Variants in KIAA1217 observed in about 807,000 individuals in gnomAD.
The protein encoded by KIAA1217 is sickle tail protein homolog.
KIAA1217 carries 88 observed loss-of-function variants against 163.9 expected under a neutral mutation model. That is an observed-to-expected ratio of 0.54 (90% CI 0.45 to 0.64). The LOEUF is 0.64. Ranked by LOEUF, KIAA1217 falls within the 30% of genes least tolerant of loss-of-function variation. The pLI is 0.00. For missense variants in KIAA1217, 2,372 were observed against 2,475.0 expected (o/e 0.96, Z 0.88); for synonymous variants, 903 against 923.1 (o/e 0.98, Z 0.39).
At chr10:23,736,469 C>G (rs1838810468) in intron 1 of KIAA1217, among the ~76,000 whole-genome samples, 1 of 152,096 alleles carries the variant, frequency 6.6e-6, no homozygotes, top group Non-Finnish European at 1.5e-5. Flanking sequence ...GTTGTCTATC[C>G]TAAGCCAGTG....
chr10:23,849,646 A>C (rs1247057207), intron 1 of KIAA1217, among the ~76,000 whole-genome samples: 1 of 152,158 alleles, frequency 6.6e-6, no homozygotes, highest in Non-Finnish European at 1.5e-5. Flanking sequence ...CACGTTGTGC[A>C]CATGTACCCT....
intron 1 of KIAA1217, among the ~76,000 whole-genome samples, chr10:23,939,984 A>G (rs948534123): frequency 6.0e-5 from 9 of 150,882 alleles, no homozygotes; most frequent in Non-Finnish European, 8.9e-5. Flanking sequence ...TAAACTGTGT[A>G]GCTATATTAA....
In KIAA1217 at chr10:24,129,240, T is replaced by G. The variant is rs537534135; in HGVS notation, c.-170-90386T>G. Among the ~76,000 whole-genome samples the G allele has an allele frequency of 6.2e-4, 94 of 151,456 alleles. 2 individuals are homozygous for G. In the South Asian group the frequency reaches 0.012, roughly 19 times the overall value. Reference sequence around the variant, plus strand: ...ACTGCAGTGTAATAGAGTCATTATGTGGATTAGAGGAGAGCCAGGATGAAA... The same window carrying G: ...ACTGCAGTGTAATAGAGTCATTATGGGGATTAGAGGAGAGCCAGGATGAAA... On this transcript the variant is annotated intron_variant, in intron 2 of 18. Coordinates refer to the KIAA1217 transcript ENST00000376462.
chr10:23,749,250 A>C (rs1219643669), intron 1 of KIAA1217, among the ~76,000 whole-genome samples: 1 of 152,126 alleles, frequency 6.6e-6, no homozygotes. Context: ...TTCAATTGAC[A>C]ACTTGGCAGC....
At chr10:24,113,480 A>G (rs886961672) in intron 2 of KIAA1217, among the ~76,000 whole-genome samples, 1 of 152,182 alleles carries the variant, frequency 6.6e-6, no homozygotes, top group African/African-American at 2.4e-5. Flanking sequence ...TTCCTGCAAG[A>G]GTGTCTTTAA....
At chr10:23,993,949 G>C (rs369060045) in intron 1 of KIAA1217, among the ~76,000 whole-genome samples, 1 of 152,022 alleles carries the variant, frequency 6.6e-6, no homozygotes, top group Non-Finnish European at 1.5e-5. Flanking sequence ...CTCAGCTCAG[G>C]CTCCTAAACA....
intron 2 of KIAA1217, among the ~76,000 whole-genome samples, chr10:24,336,893 C>T (rs550131735): frequency 2.6e-5 from 4 of 152,100 alleles, no homozygotes; most frequent in East Asian, 1.9e-4. Context: ...TACCTTATGC[C>T]GTATACAAAA....
intron 1 of KIAA1217, among the ~76,000 whole-genome samples, chr10:23,894,346 A>G (rs922480491): frequency 4.6e-5 from 7 of 151,960 alleles, no homozygotes; most frequent in African/African-American, 1.7e-4. Flanking sequence ...CACACCAGCA[A>G]CAGACAAACA....
intron 2 of KIAA1217, among the ~76,000 whole-genome samples, chr10:24,237,259 T>A (rs1240721410): frequency 6.6e-6 from 1 of 152,250 alleles, no homozygotes; most frequent in African/African-American, 2.4e-5. Flanking sequence ...GTGTTGTCCT[T>A]ATTGCTGGGA....
rs1405593281 is a variant in KIAA1217 at position 24,438,417 on chromosome 10, TACA to T, written c.789_791del (p.Asn263del). 10 of 1,613,472 alleles carry T rather than the reference TACA, an allele frequency of 6.2e-6. No homozygotes were observed. Among genetic ancestry groups the T allele is most frequent in the South Asian group, 2.2e-5 (2 of 91,066 alleles). ...TCAAGACAGATCACTCCTCAAAGTG[TACA>T]ACAAGGATCCTGCACATGCGTTTAA... On this transcript the variant is annotated inframe_deletion, in exon 5 of 21. Coordinates refer to ENST00000376454, the MANE Select transcript of KIAA1217 (RefSeq NM_019590.5).
At chr10:24,027,736 A>C (rs902704378) in intron 2 of KIAA1217, among the ~76,000 whole-genome samples, 1 of 152,154 alleles carries the variant, frequency 6.6e-6, no homozygotes, top group African/African-American at 2.4e-5. Flanking sequence ...AATAGGTTTT[A>C]TTTCACATGG....
intron 3 of KIAA1217, among the ~76,000 whole-genome samples, chr10:24,402,800 A>G (rs897159999): frequency 3.9e-5 from 6 of 152,148 alleles, no homozygotes; most frequent in African/African-American, 1.4e-4. Flanking sequence ...GTTTACAAAT[A>G]TTTCCTTTCA....
At chr10:23,858,513 G>T (rs1047108922) in intron 1 of KIAA1217, among the ~76,000 whole-genome samples, 4 of 151,590 alleles carry the variant, frequency 2.6e-5, no homozygotes, top group African/African-American at 9.7e-5. Context: ...CTTTAGAGCA[G>T]TTGTATACAC....
intron 1 of KIAA1217, among the ~76,000 whole-genome samples, chr10:23,813,419 T>C (rs759006457): frequency 3.9e-5 from 6 of 152,100 alleles, no homozygotes; most frequent in Non-Finnish European, 8.8e-5. Context: ...ATAAACCTTG[T>C]CCTGTCCTAT....
In KIAA1217 at chr10:23,868,813, A is replaced by T. The variant is rs189455490; in HGVS notation, c.-320-138412A>T. ...GTAGCTAATACAATGTTATCACTTG[A>T]TATCACAAGTTGAGGCTATCCTTTC... On this transcript the variant is annotated intron_variant, in intron 1 of 18. Coordinates refer to the KIAA1217 transcript ENST00000376462. Among the ~76,000 whole-genome samples the T allele has an allele frequency of 3.3e-5, 5 of 152,250 alleles. No homozygotes were observed. In the East Asian group the frequency reaches 9.7e-4, roughly 29 times the overall value.
chr10:24,545,973 T>G lies in KIAA1217; in HGVS notation c.5481T>G (p.Asn1827Lys), dbSNP rs1191394122. 1 of 1,613,964 alleles carries G rather than the reference T, an allele frequency of 6.2e-7. No homozygotes were observed. Among genetic ancestry groups the G allele is most frequent in the Non-Finnish European group, 8.5e-7 (1 of 1,180,032 alleles). ...GTGGTGACAGCTCTAACCTCCCTAA[T>G]CCACCTGCTACTAAACCATCGATTG... ...SSSGDSSNLPNPPATKPSIAS... is the reference protein window; with the variant it reads ...SSSGDSSNLPKPPATKPSIAS... The change falls in exon 21 of 21, where the codon AAT becomes AAG. Residue 1827 changes from asparagine (N) to lysine (K), a missense_variant. Around this residue, in one of 3 missense-constraint regions of KIAA1217, gnomAD observed 690 missense variants for 677.5 expected, o/e 1.02. Coordinates refer to ENST00000376454, the MANE Select transcript of KIAA1217 (RefSeq NM_019590.5).
chr10:24,097,984 C>T (rs756625233), intron 2 of KIAA1217, among the ~76,000 whole-genome samples: 4 of 151,974 alleles, frequency 2.6e-5, no homozygotes, highest in Non-Finnish European at 5.9e-5. Flanking sequence ...AGGGGCAACA[C>T]GCCTCCTTTT....
intron 1 of KIAA1217, among the ~76,000 whole-genome samples, chr10:23,722,665 T>C (rs1235872387): frequency 6.6e-6 from 1 of 152,238 alleles, no homozygotes; most frequent in Non-Finnish European, 1.5e-5. Context: ...ATGTCTGTAA[T>C]TTCATTTTAA....
At chr10:24,408,580 C>G (rs2057452981) in intron 3 of KIAA1217, among the ~76,000 whole-genome samples, 1 of 152,380 alleles carries the variant, frequency 6.6e-6, no homozygotes, top group East Asian at 1.9e-4. Flanking sequence ...CCACCCTCCT[C>G]TCACCTCTCT....
Sources: gnomAD v4.1 joint callset for allele counts (sites outside exome capture counted in the v4.1 genomes callset) on GRCh38, gnomAD v4.1.1 for gene constraint, gnomAD v4.1.1 regional missense constraint, MANE v1.5 for transcripts, NCBI Gene and HGNC (gene_info 2026-07-23, HGNC 2026-07-21) for gene names.